The following CHRM3 variants were observed in gnomAD, a reference collection of about 807,000 sequenced individuals.
CHRM3 encodes cholinergic receptor muscarinic 3.
CHRM3 carries 11 observed loss-of-function variants against 41.8 expected under a neutral mutation model. The ratio of observed to expected loss-of-function variants is 0.26; its 90% confidence interval spans 0.17 to 0.44. The LOEUF (loss-of-function observed/expected upper bound fraction) is 0.44. Among genes scored for constraint, CHRM3 ranks in the 20% least tolerant of loss-of-function variants. The pLI is 1.00. For missense variants in CHRM3, 571 were observed against 745.4 expected (o/e 0.77, Z 2.72); for synonymous variants, 297 against 301.4 (o/e 0.99, Z 0.15).
At chr1:239,796,893 C>T (rs1312960423) in intron 5 of CHRM3, among the ~76,000 whole-genome samples, 1 of 152,094 alleles carries the variant, frequency 6.6e-6, no homozygotes, top group Non-Finnish European at 1.5e-5. Flanking sequence ...ATTCCACTCA[C>T]TACAGGACAC....
chr1:239,598,607 T>A (rs1665092594), intron 3 of CHRM3, among the ~76,000 whole-genome samples: 1 of 152,122 alleles, frequency 6.6e-6, no homozygotes, highest in African/African-American at 2.4e-5. Flanking sequence ...GAGTCCCAGA[T>A]AGCTCAGAGC....
At chr1:239,491,878 C>T (rs927417017) in intron 1 of CHRM3, among the ~76,000 whole-genome samples, 1 of 152,156 alleles carries the variant, frequency 6.6e-6, no homozygotes, top group African/African-American at 2.4e-5. Flanking sequence ...GTTTTGAAAG[C>T]CACGTGCAGG....
At chr1:239,689,864 A>G (rs1192019504) in intron 5 of CHRM3, among the ~76,000 whole-genome samples, 1 of 152,120 alleles carries the variant, frequency 6.6e-6, no homozygotes, top group East Asian at 1.9e-4. Flanking sequence ...TTGGGAATAT[A>G]CCATGTTATT....
At chr1:239,837,203 A>T (rs1311212958) in intron 6 of CHRM3, among the ~76,000 whole-genome samples, 1 of 152,234 alleles carries the variant, frequency 6.6e-6, no homozygotes, top group East Asian at 1.9e-4. Context: ...ACCACGTCTT[A>T]CTTTTCTTTC....
At chr1:239,531,495 T>TA (rs1369150083) in intron 2 of CHRM3, among the ~76,000 whole-genome samples, 2 of 152,078 alleles carry the variant, frequency 1.3e-5, no homozygotes, top group East Asian at 3.9e-4. Flanking sequence ...TCAATACACA[T>TA]AAAATGTTGG....
chr1:239,670,111 C>A (rs1195740972), intron 4 of CHRM3, among the ~76,000 whole-genome samples: 5 of 152,176 alleles, frequency 3.3e-5, no homozygotes, highest in Non-Finnish European at 7.3e-5. Flanking sequence ...TGTGCAATAA[C>A]AAGCGCTCAT....
At chr1:239,426,066 G>T (rs1186121066) in intron 1 of CHRM3, among the ~76,000 whole-genome samples, 2 of 148,178 alleles carry the variant, frequency 1.3e-5, no homozygotes, top group Non-Finnish European at 3.0e-5. Flanking sequence ...GTATACACGT[G>T]CCATGTTGGT....
chr1:239,618,263 CT>C (rs976119953), intron 3 of CHRM3, among the ~76,000 whole-genome samples: 14 of 110,964 alleles, frequency 1.3e-4, no homozygotes, highest in Non-Finnish European at 1.7e-4. Flanking sequence ...AGTAGGAGTA[CT>C]TTTTTTTTCT....
chr1:239,828,845 C>T (rs1020915968), intron 6 of CHRM3, among the ~76,000 whole-genome samples: 28 of 152,192 alleles, frequency 1.8e-4, no homozygotes, highest in African/African-American at 4.6e-4. Flanking sequence ...GTGCGGATAG[C>T]GGATGGGAGG....
chr1:239,690,030 GACAGAGAGAGAGAC>G (rs1659553328), intron 5 of CHRM3, among the ~76,000 whole-genome samples: 2 of 144,702 alleles, frequency 1.4e-5, no homozygotes, highest in Non-Finnish European at 3.0e-5. Context: ...GAGAGAGAGA[GACAGAGAGAGAGAC>G]ACAGAGAGAG....
At chr1:239,848,453 A>C (rs1594513) in intron 6 of CHRM3, among the ~76,000 whole-genome samples, 28,662 of 152,014 alleles carry the variant, frequency 0.19, 3,367 homozygotes, top group Non-Finnish European at 0.25. Flanking sequence ...GATCCCCAAA[A>C]ATTTTTAGAA....
At chr1:239,777,925 T>G (rs1424318534) in intron 5 of CHRM3, among the ~76,000 whole-genome samples, 2 of 151,446 alleles carry the variant, frequency 1.3e-5, no homozygotes, top group African/African-American at 2.4e-5. Flanking sequence ...TGGATAAGAG[T>G]GATATAATGG....
chr1:239,676,931 CCT>C (rs544801338), intron 4 of CHRM3, among the ~76,000 whole-genome samples: 130 of 152,290 alleles, frequency 8.5e-4, no homozygotes, highest in Admixed American at 1.6e-3. Context: ...TGATTTTCCT[CCT>C]GTTGTTCTGA....
intron 5 of CHRM3, among the ~76,000 whole-genome samples, chr1:239,741,494 G>A (rs1430620824): frequency 6.6e-6 from 1 of 152,144 alleles, no homozygotes; most frequent in East Asian, 1.9e-4. Context: ...GGCAGGAGAA[G>A]GTCAGAGAGT....
Position 239,907,773 on chromosome 1 carries a change from T to C in CHRM3, c.322T>C (p.Leu108=). 6.2e-7 allele frequency: 1 copy of C among 1,614,222 alleles called. No homozygotes were observed. Among genetic ancestry groups the C allele is most frequent in the Non-Finnish European group, 8.5e-7 (1 of 1,180,048 alleles). The change falls in exon 7 of 7, where the codon TTA becomes CTA. Residue 108 remains leucine (L), a synonymous_variant. Coordinates refer to ENST00000676153, the MANE Select transcript of CHRM3 (RefSeq NM_001375978.1). The surrounding 1 kb of genome is among the most constrained non-coding windows in gnomAD (Gnocchi z 5.4). ...QLKTVNNYFL[L]SLACADLIIG... The stretch of plus-strand genomic sequence containing the variant: ...GAAGACGGTCAACAACTACTTCCTC[T>C]TAAGCCTGGCCTGTGCCGATCTGAT...
At chr1:239,722,333 C>T (rs1411051072) in intron 5 of CHRM3, among the ~76,000 whole-genome samples, 1 of 151,894 alleles carries the variant, frequency 6.6e-6, no homozygotes, top group Non-Finnish European at 1.5e-5. Context: ...GCCCATTGGC[C>T]TTATGTGCCT....
intron 2 of CHRM3, among the ~76,000 whole-genome samples, chr1:239,518,994 T>C (rs1159938320): frequency 1.3e-5 from 2 of 152,182 alleles, no homozygotes; most frequent in African/African-American, 4.8e-5. Context: ...AAAGGGAAAA[T>C]AGCATTTCAC....
intron 6 of CHRM3, among the ~76,000 whole-genome samples, chr1:239,877,233 A>G (rs1178503997): frequency 1.3e-5 from 2 of 152,110 alleles, no homozygotes; most frequent in Non-Finnish European, 2.9e-5. Context: ...ATATCAAGGC[A>G]TTTTTCTTTA....
intron 3 of CHRM3, among the ~76,000 whole-genome samples, chr1:239,617,776 A>G (rs755276626): frequency 1.1e-4 from 17 of 152,198 alleles, no homozygotes; most frequent in Non-Finnish European, 2.2e-4. Context: ...TTTTATCATC[A>G]TACAACACAC....
Sources: allele counts gnomAD v4.1 joint callset (sites outside exome capture counted in the v4.1 genomes callset), GRCh38; gene constraint gnomAD v4.1.1; non-coding constraint Gnocchi (gnomAD v3.1); transcripts MANE v1.5; gene names NCBI Gene and HGNC (gene_info 2026-07-23, HGNC 2026-07-21).